LINGO2: variants seen among roughly 807,000 people sequenced by gnomAD.
The protein encoded by LINGO2 is leucine rich repeat and Ig domain containing 2.
Under a neutral mutation model 30.6 loss-of-function variants are expected in LINGO2, and 14 were observed. The observed-to-expected ratio is 0.46, with a 90% confidence interval of 0.30 to 0.72. LINGO2 has a LOEUF of 0.72. LINGO2 is among the 30% of genes least tolerant of loss of function. LINGO2 has a pLI of 0.07. For synonymous variants in LINGO2, 317 were observed against 288.5 expected (o/e 1.10, Z -1.00); for missense variants, 729 against 751.7 (o/e 0.97, Z 0.35).
intron 4 of LINGO2, among the ~76,000 whole-genome samples, chr9:28,039,580 A>G (rs1026883225): frequency 9.9e-5 from 15 of 152,166 alleles, no homozygotes; most frequent in Non-Finnish European, 1.5e-5. Context: ...CATTGAGTAC[A>G]TGTAAGTCTT....
At chr9:29,008,681 T>G in the LINGO2 span, among the ~76,000 whole-genome samples, 2 of 152,184 alleles carry the variant, frequency 1.3e-5, no homozygotes, top group African/African-American at 4.8e-5. Context: ...TGGCCAGCGA[T>G]GATGAGCATT....
intron 5 of LINGO2, among the ~76,000 whole-genome samples, chr9:27,981,942 T>A (rs1820898568): frequency 6.6e-6 from 1 of 151,848 alleles, no homozygotes; most frequent in Admixed American, 6.6e-5. Flanking sequence ...TCAATAAAAT[T>A]GACCAGGAAA....
At chr9:28,419,298 T>C (rs1288629986) in intron 2 of LINGO2, among the ~76,000 whole-genome samples, 2 of 152,168 alleles carry the variant, frequency 1.3e-5, no homozygotes. Context: ...TTTTCTCAAA[T>C]GTATATGCTG....
the LINGO2 span, among the ~76,000 whole-genome samples, chr9:29,020,243 A>T: frequency 6.6e-6 from 1 of 152,176 alleles, no homozygotes; most frequent in Non-Finnish European, 1.5e-5. Context: ...TCCAAGGTAC[A>T]AGAACTAACG....
chr9:27,967,439 A>G (rs10968235), intron 5 of LINGO2, among the ~76,000 whole-genome samples: 5,708 of 152,236 alleles, frequency 0.037, 382 homozygotes, highest in African/African-American at 0.13. Context: ...GGCACACCCA[A>G]CTAAATGCAA....
intron 4 of LINGO2, among the ~76,000 whole-genome samples, chr9:28,062,550 G>A (rs1051760724): frequency 7.4e-5 from 7 of 94,748 alleles, no homozygotes; most frequent in African/African-American, 2.6e-4. Flanking sequence ...ACTATATATT[G>A]TATATACATA....
chr9:28,067,390 T>C (rs1037496437), intron 4 of LINGO2, among the ~76,000 whole-genome samples: 1 of 152,128 alleles, frequency 6.6e-6, no homozygotes, highest in Non-Finnish European at 1.5e-5. Context: ...TTGAATGCAA[T>C]AATAAGGGAA....
intron 1 of LINGO2, among the ~76,000 whole-genome samples, chr9:28,614,243 A>T (rs1826041589): frequency 1.3e-5 from 2 of 152,112 alleles, no homozygotes; most frequent in African/African-American, 4.8e-5. Flanking sequence ...TAATGAAATC[A>T]TTTTTTATTA....
chr9:28,704,147 A>T, the LINGO2 span, among the ~76,000 whole-genome samples: 1 of 151,966 alleles, frequency 6.6e-6, no homozygotes, highest in African/African-American at 2.4e-5. Flanking sequence ...CATTCCCTCA[A>T]TATTTACTTG....
At chr9:28,661,513 T>C (rs1300056165) in intron 1 of LINGO2, among the ~76,000 whole-genome samples, 3 of 152,150 alleles carry the variant, frequency 2.0e-5, no homozygotes, top group Non-Finnish European at 4.4e-5. Flanking sequence ...CAGATATTAA[T>C]CAGAAATAAA....
chr9:28,122,347 T>C (rs1326168633), intron 4 of LINGO2, among the ~76,000 whole-genome samples: 1 of 152,320 alleles, frequency 6.6e-6, no homozygotes, highest in East Asian at 1.9e-4. Context: ...GGGCTATGTA[T>C]ATAAACACAC....
chr9:28,045,809 T>C (rs1319696985), intron 4 of LINGO2, among the ~76,000 whole-genome samples: 1 of 152,178 alleles, frequency 6.6e-6, no homozygotes, highest in Non-Finnish European at 1.5e-5. Flanking sequence ...GAGAGACATA[T>C]GGGTAAGCGG....
intron 5 of LINGO2, among the ~76,000 whole-genome samples, chr9:28,002,223 C>T (rs975373494): frequency 1.3e-5 from 2 of 152,002 alleles, no homozygotes; most frequent in Non-Finnish European, 2.9e-5. Flanking sequence ...ATGAACTTAC[C>T]GTCAGTGCCC....
intron 5 of LINGO2, among the ~76,000 whole-genome samples, chr9:27,975,196 C>T (rs1587588716): frequency 6.6e-6 from 1 of 152,014 alleles, no homozygotes; most frequent in East Asian, 1.9e-4. Flanking sequence ...TTTTTGGTTA[C>T]TGGCAAGAAT....
chr9:28,173,920 C>A (rs182708611), intron 4 of LINGO2, among the ~76,000 whole-genome samples: 6 of 152,228 alleles, frequency 3.9e-5, no homozygotes, highest in Admixed American at 6.5e-5. Flanking sequence ...CTGGTTATAG[C>A]AATCTCTGCT....
the LINGO2 span, among the ~76,000 whole-genome samples, chr9:28,868,466 G>A: frequency 6.6e-6 from 1 of 152,016 alleles, no homozygotes; most frequent in Admixed American, 6.6e-5. Context: ...TGTTCTCCCT[G>A]CTTCAAGATT....
chr9:28,677,809 C>T, the LINGO2 span, among the ~76,000 whole-genome samples: 10 of 152,108 alleles, frequency 6.6e-5, no homozygotes, highest in Middle Eastern at 3.4e-3. Context: ...TATCATAATT[C>T]AGGATAGTAA....
intron 2 of LINGO2, among the ~76,000 whole-genome samples, chr9:28,427,766 T>C (rs945910284): frequency 6.6e-6 from 1 of 152,112 alleles, no homozygotes; most frequent in Non-Finnish European, 1.5e-5. Context: ...ATGCATCAGG[T>C]GAAAAAGCTG....
At chr9:28,997,605 C>T in the LINGO2 span, among the ~76,000 whole-genome samples, 12 of 152,172 alleles carry the variant, frequency 7.9e-5, no homozygotes, top group East Asian at 3.9e-4. Flanking sequence ...TGGCGGATCA[C>T]GAGGTCAGGA....
Sources: allele counts gnomAD v4.1 joint callset (sites outside exome capture counted in the v4.1 genomes callset), GRCh38; gene constraint gnomAD v4.1.1; transcripts MANE v1.5; gene names NCBI Gene and HGNC (gene_info 2026-07-23, HGNC 2026-07-21).